Variants in ABCC9 observed in about 807,000 individuals in gnomAD.
ABCC9 encodes the protein ATP-binding cassette sub-family C member 9.
ABCC9 carries 95 observed loss-of-function variants against 188.3 expected under a neutral mutation model. The ratio of observed to expected loss-of-function variants is 0.50; its 90% confidence interval spans 0.43 to 0.60. The LOEUF is 0.60. Ranked by LOEUF, ABCC9 falls within the 20% of genes least tolerant of loss-of-function variation. The pLI is 0.00. For missense variants in ABCC9, 1,102 were observed against 1,876.3 expected (o/e 0.59, Z 7.62); for synonymous variants, 659 against 652.7 (o/e 1.01, Z -0.15).
At chr12:21,870,630 G>A (rs1946022761) in intron 18 of ABCC9, among the ~76,000 whole-genome samples, 1 of 151,920 alleles carries the variant, frequency 6.6e-6, no homozygotes, top group Non-Finnish European at 1.5e-5. Flanking sequence ...TTTTCCTCAC[G>A]TTTCCTTCTT....
intron 15 of ABCC9, among the ~76,000 whole-genome samples, chr12:21,886,448 T>G (rs1946878422): frequency 1.3e-5 from 2 of 152,166 alleles, no homozygotes; most frequent in Admixed American, 6.6e-5. Context: ...TTGATCTCCT[T>G]TTTTCACAAT....
At position 21,804,904 on chromosome 12, in the gene ABCC9, T is replaced by G. The variant is rs17630922; in HGVS notation, c.4512+1094A>C. On this transcript the variant is annotated intron_variant, in intron 39 of 39. Coordinates refer to ENST00000261200, the MANE Select transcript of ABCC9 (RefSeq NM_020297.4). ...AAACATCCCTAAGGACTAGTGAAATTGGTCCTTAGAATAAGAGGTAAATTC... is the reference window on the plus strand; with the variant it reads ...AAACATCCCTAAGGACTAGTGAAATGGGTCCTTAGAATAAGAGGTAAATTC... Among the ~76,000 whole-genome samples, 4,999 of 152,318 alleles carry G rather than the reference T, an allele frequency of 0.033. 120 individuals carry two copies. Among genetic ancestry groups the G allele is most frequent in the Non-Finnish European group, 0.05 (3,369 of 68,018 alleles).
At chr12:21,887,578 C>A (rs962837374) in intron 15 of ABCC9, among the ~76,000 whole-genome samples, 1 of 152,056 alleles carries the variant, frequency 6.6e-6, no homozygotes, top group Admixed American at 6.6e-5. Context: ...AGCAAACTCT[C>A]AATTTCCTTT....
intron 30 of ABCC9, among the ~76,000 whole-genome samples, chr12:21,832,293 G>A (rs1345471647): frequency 3.3e-5 from 5 of 152,150 alleles, no homozygotes; most frequent in African/African-American, 4.8e-5. Context: ...TCAATGCGGG[G>A]GAGGAAAAGC....
intron 31 of ABCC9, chr12:21,827,527 AACACACACACACACAC>A (rs199954253): frequency 6.7e-4 from 95 of 142,646 alleles, no homozygotes; most frequent in Non-Finnish European, 7.5e-4. Context: ...CTTATAGAAC[AACACACACACACACAC>A]ACACACACAC....
chr12:21,863,263 T>C, intron 19 of ABCC9, among the ~76,000 whole-genome samples: 1 of 103,560 alleles, frequency 9.7e-6, no homozygotes. Flanking sequence ...TAGGATTTAA[T>C]CAAAATGTCA....
chr12:21,913,124 A>C, intron 7 of ABCC9, 58 bp from the exon 8 acceptor site: 6 of 1,449,166 alleles, frequency 4.1e-6, no homozygotes, highest in Non-Finnish European at 5.7e-6. Flanking sequence ...TGCTTAGAGC[A>C]GTAACTAATC....
rs182158174 is a variant in ABCC9 at position 21,844,523 on chromosome 12, A to T, written c.3275T>A (p.Ile1092Asn). 3 of 1,613,842 alleles carry T rather than the reference A, an allele frequency of 1.9e-6. No homozygotes were observed. In the Admixed American group the frequency reaches 5.0e-5, roughly 27 times the overall value. The change falls in exon 28 of 40, where the codon ATT becomes AAT. Residue 1092 changes from isoleucine to asparagine, a missense_variant. Coordinates refer to ENST00000261200, the MANE Select transcript of ABCC9 (RefSeq NM_020297.4). Reference protein sequence around the residue: ...RFFDTTPLGLILNRFSADTNI... With the variant: ...RFFDTTPLGLNLNRFSADTNI... ...AGTATCAGCTGAAAAGCGATTGAGA[A>T]TCAGTCCCAGGGGTGTGGTATCAAA...
intron 7 of ABCC9, 43 bp downstream of exon 7, chr12:21,915,625 C>A (rs757940823): frequency 6.2e-7 from 1 of 1,604,928 alleles, no homozygotes; most frequent in Admixed American, 1.7e-5. Flanking sequence ...CCAACAGGAC[C>A]ATTCTCTGTA....
At chr12:21,831,665 TA>T (rs1943765691) in intron 30 of ABCC9, among the ~76,000 whole-genome samples, 1 of 152,062 alleles carries the variant, frequency 6.6e-6, no homozygotes, top group African/African-American at 2.4e-5. Context: ...ACAAGGAAGA[TA>T]ATCTGAGTGA....
intron 32 of ABCC9, 113 bp downstream of exon 32, chr12:21,818,037 A>G (rs1942770654): frequency 3.7e-6 from 2 of 533,672 alleles, no homozygotes; most frequent in Non-Finnish European, 7.2e-6. Context: ...AGGCCCTGGT[A>G]TGTGTAATTC....
intron 12 of ABCC9, among the ~76,000 whole-genome samples, chr12:21,900,583 A>G (rs1042144770): frequency 2.0e-5 from 3 of 152,182 alleles, no homozygotes; most frequent in Non-Finnish European, 4.4e-5. Flanking sequence ...ACAAATGACT[A>G]ACTAGAATAA....
At chr12:21,897,656 T>C (rs1009039129) in intron 12 of ABCC9, among the ~76,000 whole-genome samples, 3 of 152,208 alleles carry the variant, frequency 2.0e-5, no homozygotes, top group African/African-American at 7.2e-5. Flanking sequence ...CTAGGATTTA[T>C]AGCCAGCTCT....
At chr12:21,802,283 A>C (rs1941490810) in intron 39 of ABCC9, among the ~76,000 whole-genome samples, 1 of 152,238 alleles carries the variant, frequency 6.6e-6, no homozygotes, top group African/African-American at 2.4e-5. Context: ...ATATACAAAC[A>C]AATAATAAAT....
At chr12:21,902,708 C>G (rs1947826512) in intron 12 of ABCC9, among the ~76,000 whole-genome samples, 5 of 152,114 alleles carry the variant, frequency 3.3e-5, no homozygotes, top group Admixed American at 3.3e-4. Flanking sequence ...TGGATAAATT[C>G]CTGGACACAT....
chr12:21,875,775 A>G, intron 16 of ABCC9, 49 bp from the exon 17 acceptor site: 1 of 1,430,380 alleles, frequency 7.0e-7, no homozygotes, highest in Non-Finnish European at 9.8e-7. Context: ...GTATCAATGA[A>G]TAATTCTAAT....
At chr12:21,845,052 A>G in intron 26 of ABCC9, 137 bp from the exon 27 acceptor site, 1 of 1,083,524 alleles carries the variant, frequency 9.2e-7, no homozygotes, top group South Asian at 1.4e-5. Flanking sequence ...AAGGAATGCA[A>G]TTTTTTGAGG....
chr12:21,848,265 T>C lies in ABCC9; in HGVS notation c.2770-19A>G. On this transcript the variant is annotated intron_variant, in intron 24 of 39. Transcript: ENST00000261200. ...CCATATCCTGCAGTAAACATTGTAC[T>C]ATCATGCAAGGAGCTAACACCAATA... 2 of 1,602,770 alleles carry C rather than the reference T, an allele frequency of 1.2e-6. No homozygotes were observed. Among genetic ancestry groups the C allele is most frequent in the South Asian group, 1.1e-5 (1 of 90,880 alleles).
intron 15 of ABCC9, among the ~76,000 whole-genome samples, chr12:21,883,570 C>G (rs1946728939): frequency 6.6e-6 from 1 of 152,184 alleles, no homozygotes; most frequent in African/African-American, 2.4e-5. Context: ...TGAGAATAGA[C>G]TAATACAGTT....
Sources: gnomAD v4.1 joint callset for allele counts (sites outside exome capture counted in the v4.1 genomes callset) on GRCh38, gnomAD v4.1.1 for gene constraint, MANE v1.5 for transcripts, NCBI Gene and HGNC (gene_info 2026-07-23, HGNC 2026-07-21) for gene names.